TRAPPC9: variants seen among roughly 807,000 people sequenced by gnomAD.
TRAPPC9 encodes the protein IKK2 binding protein.
In TRAPPC9, 83 loss-of-function variants were observed where a neutral mutation model predicts 124.0. The ratio of observed to expected loss-of-function variants is 0.67; its 90% CI spans 0.56 to 0.80. TRAPPC9 has a LOEUF of 0.80. Among genes scored for constraint, TRAPPC9 ranks in the 30% least tolerant of loss-of-function variants. TRAPPC9 has a pLI of 0.00. For synonymous variants in TRAPPC9, 638 were observed against 617.5 expected (o/e 1.03, Z -0.49); for missense variants, 1,302 against 1,508.3 (o/e 0.86, Z 2.27).
At chr8:140,200,254 G>A (rs962566188) in intron 17 of TRAPPC9, among the ~76,000 whole-genome samples, 2 of 149,798 alleles carry the variant, frequency 1.3e-5, no homozygotes, top group Non-Finnish European at 3.0e-5. Context: ...GTTTCCTAGC[G>A]CTATCCACTG....
intron 1 of TRAPPC9, among the ~76,000 whole-genome samples, chr8:140,451,693 G>A (rs1045684996): frequency 6.6e-6 from 1 of 152,284 alleles, no homozygotes; most frequent in Middle Eastern, 3.4e-3. Flanking sequence ...TCTGTTGAGT[G>A]AATGAATAAA....
intron 15 of TRAPPC9, among the ~76,000 whole-genome samples, chr8:140,267,628 C>T (rs1296181329): frequency 2.0e-5 from 3 of 152,108 alleles, no homozygotes; most frequent in East Asian, 1.9e-4. Context: ...ATGTGGAGAG[C>T]GCTAAGAGTA....
chr8:139,769,905 T>C (rs1586806415), intron 21 of TRAPPC9, among the ~76,000 whole-genome samples: 1 of 152,242 alleles, frequency 6.6e-6, no homozygotes, highest in South Asian at 2.1e-4. Context: ...TGCCGGGTGC[T>C]GGACCCTGGA....
intron 18 of TRAPPC9, among the ~76,000 whole-genome samples, chr8:139,997,952 A>T (rs1838145227): frequency 7.0e-6 from 1 of 143,548 alleles, no homozygotes; most frequent in Admixed American, 7.0e-5. Flanking sequence ...CCACACAGGG[A>T]GACAATGCAT....
chr8:140,399,483 T>C (rs936011041), intron 6 of TRAPPC9, among the ~76,000 whole-genome samples: 2 of 152,250 alleles, frequency 1.3e-5, no homozygotes, highest in African/African-American at 2.4e-5. Context: ...CAGCATGACC[T>C]GGATACGAGA....
chr8:139,780,174 T>A (rs1821703005), intron 21 of TRAPPC9, among the ~76,000 whole-genome samples: 2 of 152,154 alleles, frequency 1.3e-5, no homozygotes, highest in African/African-American at 4.8e-5. Flanking sequence ...AAAGTTTATA[T>A]GGAGAGGTAA....
Position 139,730,793 on chromosome 8 carries a change from C to T in TRAPPC9, c.*268G>A, listed in dbSNP as rs531153681. 19 of 508,980 alleles carry T rather than the reference C, an allele frequency of 3.7e-5. 1 individual carries two copies. The highest frequency in any genetic ancestry group is 6.8e-5 in the Admixed American group (2 of 29,480). 31.5% of individuals were successfully genotyped at this position (508,980 alleles called of 1,614,324 possible). ...CTGGGACCTGGGCTGGATGGGCACCCGCTTTGGGATTTCCTCTGCTTCAGC... is the reference window on the plus strand; with the variant it reads ...CTGGGACCTGGGCTGGATGGGCACCTGCTTTGGGATTTCCTCTGCTTCAGC... On this transcript the variant is annotated 3_prime_UTR_variant, in exon 23 of 23. Transcript: ENST00000438773.
At chr8:140,137,016 G>T (rs2061315074) in intron 17 of TRAPPC9, among the ~76,000 whole-genome samples, 1 of 152,156 alleles carries the variant, frequency 6.6e-6, no homozygotes, top group Non-Finnish European at 1.5e-5. Flanking sequence ...CTGCAGGACT[G>T]GACAGGACAG....
chr8:140,221,059 GGC>G (rs1351233079), intron 17 of TRAPPC9, among the ~76,000 whole-genome samples: 2 of 152,180 alleles, frequency 1.3e-5, no homozygotes, highest in African/African-American at 4.8e-5. Context: ...TATCTGTCTT[GGC>G]TTCCTTGGTG....
chr8:139,864,728 C>T (rs1460117100), intron 21 of TRAPPC9, among the ~76,000 whole-genome samples: 1 of 152,190 alleles, frequency 6.6e-6, no homozygotes, highest in East Asian at 1.9e-4. Context: ...GGCACTACCG[C>T]CCTTCCCAGG....
chr8:140,098,089 TGC>T (rs2060488897), intron 17 of TRAPPC9: 1 of 145,250 alleles, frequency 6.9e-6, no homozygotes, highest in Non-Finnish European at 1.5e-5. Context: ...TAAGGACGCC[TGC>T]CGGGGTCCTC....
rs367912292 is a variant in TRAPPC9, at chr8:140,287,705, C to T, written c.1884G>A (p.Glu628=). Residue 628 remains glutamate (E), a synonymous_variant, in exon 13 of 23, where the codon GAG becomes GAA. Coordinates refer to ENST00000438773, the MANE Select transcript of TRAPPC9 (RefSeq NM_001160372.4). ...GAAGAGAAAGCGCCGCAGGGAGAGA[C>T]TCGAACTCCACTCCGCTGGTGAGCA... is the stretch of plus-strand genomic sequence containing the variant. The part of the protein sequence containing the change: ...MGLLTSGVEF[E]SLPAALSLPA... The T allele has an allele frequency of 4.3e-6, 7 of 1,614,104 alleles. No individual in the cohort carries two copies. The highest frequency in any genetic ancestry group is 5.9e-6 in the Non-Finnish European group (7 of 1,180,054).
chr8:140,432,279 A>G (rs898245495), intron 4 of TRAPPC9, among the ~76,000 whole-genome samples: 1 of 152,118 alleles, frequency 6.6e-6, no homozygotes, highest in African/African-American at 2.4e-5. Context: ...CTCAGAGACC[A>G]TAACTAAAAG....
At chr8:139,931,248 C>G (rs568354870) in intron 19 of TRAPPC9, 1 of 152,210 alleles carries the variant, frequency 6.6e-6, no homozygotes, top group Non-Finnish European at 1.5e-5. Context: ...TGCAGTAGAG[C>G]CGAGCATACA....
At chr8:140,164,424 C>A (rs751825808) in intron 17 of TRAPPC9, among the ~76,000 whole-genome samples, 3 of 152,228 alleles carry the variant, frequency 2.0e-5, no homozygotes, top group Non-Finnish European at 4.4e-5. Context: ...CTGGACAATG[C>A]CTTGGTTTCT....
intron 17 of TRAPPC9, among the ~76,000 whole-genome samples, chr8:140,141,132 G>A (rs148807636): frequency 5.1e-4 from 78 of 152,324 alleles, no homozygotes; most frequent in African/African-American, 1.7e-3. Flanking sequence ...TGGGGAATTC[G>A]TAAGTCTACT....
chr8:139,908,278 G>T (rs1195613057), intron 20 of TRAPPC9, among the ~76,000 whole-genome samples: 1 of 152,174 alleles, frequency 6.6e-6, no homozygotes, highest in Non-Finnish European at 1.5e-5. Flanking sequence ...CACTGGTGCT[G>T]CTGGCGCTGA....
rs148196895 is a variant in TRAPPC9 at position 139,740,458 on chromosome 8, C to G, written c.3056-8256G>C. On this transcript the variant is annotated intron_variant, in intron 21 of 22. Transcript: ENST00000438773. The stretch of plus-strand genomic sequence containing the variant: ...GTGGGGCTGAGAACGAGGCAATGTG[C>G]GCATGCTGGGCAGGGGGAGGCAGGC... Among the ~76,000 whole-genome samples, 1,486 of 152,348 alleles carry G rather than the reference C, an allele frequency of 9.8e-3. 23 individuals are homozygous for G. Among genetic ancestry groups the G allele is most frequent in the African/African-American group, 0.034 (1,397 of 41,584 alleles).
intron 17 of TRAPPC9, among the ~76,000 whole-genome samples, chr8:140,136,370 G>A (rs1054658293): frequency 6.6e-6 from 1 of 152,192 alleles, no homozygotes; most frequent in East Asian, 1.9e-4. Context: ...GCAGGCACAA[G>A]CAGGACAAAC....
Sources: gnomAD v4.1 joint callset for allele counts (sites outside exome capture counted in the v4.1 genomes callset) on GRCh38, gnomAD v4.1.1 for gene constraint, MANE v1.5 for transcripts, NCBI Gene and HGNC (gene_info 2026-07-23, HGNC 2026-07-21) for gene names.